Variants in PLD5 observed in about 807,000 individuals in gnomAD.
PLD5 encodes the protein inactive phospholipase D5.
PLD5 carries 36 observed loss-of-function variants against 61.1 expected under a neutral mutation model. The ratio of observed to expected loss-of-function variants is 0.59; its 90% CI spans 0.45 to 0.78. The LOEUF (loss-of-function observed/expected upper bound fraction) is 0.78. PLD5 is among the 30% of genes least tolerant of loss of function. The probability of loss-of-function intolerance (pLI) is 0.00; values close to 1 mark genes in which losing one functional copy is unlikely to be tolerated. For synonymous variants in PLD5, 243 were observed against 242.8 expected (o/e 1.00, Z -0.01); for missense variants, 515 against 644.4 (o/e 0.80, Z 2.17).
chr1:242,426,941 G>A (rs1049340405), intron 1 of PLD5, among the ~76,000 whole-genome samples: 2 of 152,066 alleles, frequency 1.3e-5, no homozygotes, highest in African/African-American at 2.4e-5. Context: ...AACCCACCAT[G>A]CTTTTTACCC....
intron 5 of PLD5, among the ~76,000 whole-genome samples, chr1:242,175,442 A>C (rs1295575451): frequency 6.6e-6 from 1 of 152,230 alleles, no homozygotes; most frequent in Non-Finnish European, 1.5e-5. Context: ...TATCAATAGA[A>C]TGTATCTCAA....
chr1:242,272,144 T>C (rs943183001), intron 3 of PLD5, among the ~76,000 whole-genome samples: 16 of 151,978 alleles, frequency 1.1e-4, no homozygotes, highest in African/African-American at 3.6e-4. Flanking sequence ...AAAATGGAGG[T>C]GAGCTTTAAG....
intron 4 of PLD5, among the ~76,000 whole-genome samples, chr1:242,240,999 A>T (rs2149060578): frequency 6.6e-6 from 1 of 152,328 alleles, no homozygotes; most frequent in Admixed American, 6.5e-5. Context: ...AATTTAGATA[A>T]ACATGATTGG....
intron 2 of PLD5, among the ~76,000 whole-genome samples, chr1:242,293,104 G>A (rs1193599066): frequency 1.3e-5 from 2 of 152,146 alleles, no homozygotes; most frequent in Non-Finnish European, 2.9e-5. Flanking sequence ...AGTGATTGAC[G>A]CTTTAGAAGT....
intron 1 of PLD5, among the ~76,000 whole-genome samples, chr1:242,437,986 T>C (rs1255820153): frequency 2.6e-5 from 4 of 152,230 alleles, no homozygotes; most frequent in East Asian, 3.8e-4. Flanking sequence ...TCCTTTCATT[T>C]TAAAAATTTG....
chr1:242,296,390 A>G (rs1675660527), intron 2 of PLD5, among the ~76,000 whole-genome samples: 1 of 152,148 alleles, frequency 6.6e-6, no homozygotes, highest in Non-Finnish European at 1.5e-5. Flanking sequence ...ATTAATTGCC[A>G]TTAGTCTATT....
chr1:242,439,865 A>G (rs1666191175), intron 1 of PLD5, among the ~76,000 whole-genome samples: 1 of 152,204 alleles, frequency 6.6e-6, no homozygotes, highest in South Asian at 2.1e-4. Context: ...CTCCTGATCC[A>G]CAAGTATTAA....
chr1:242,333,814 A>G (rs1192340685), intron 2 of PLD5, among the ~76,000 whole-genome samples: 1 of 152,148 alleles, frequency 6.6e-6, no homozygotes, highest in African/African-American at 2.4e-5. Flanking sequence ...TGTTGCAGGA[A>G]ATTACAGGAT....
intron 6 of PLD5, among the ~76,000 whole-genome samples, chr1:242,121,528 ATAAG>A (rs1302960759): frequency 1.3e-5 from 2 of 152,210 alleles, no homozygotes; most frequent in African/African-American, 4.8e-5. Context: ...GGAAGTTAAA[ATAAG>A]TAAATAAAAA....
At chr1:242,416,851 T>G (rs1046633446) in intron 1 of PLD5, among the ~76,000 whole-genome samples, 4 of 152,232 alleles carry the variant, frequency 2.6e-5, no homozygotes, top group African/African-American at 9.6e-5. Flanking sequence ...CATAAATATG[T>G]GCCAACTCTG....
At chr1:242,397,441 T>G (rs373141823) in intron 1 of PLD5, among the ~76,000 whole-genome samples, 1 of 152,052 alleles carries the variant, frequency 6.6e-6, no homozygotes, top group Non-Finnish European at 1.5e-5. Flanking sequence ...TCCACTGCTA[T>G]TAACTTAGTC....
At chr1:242,482,530 C>G (rs1375108390) in intron 1 of PLD5, among the ~76,000 whole-genome samples, 2 of 152,064 alleles carry the variant, frequency 1.3e-5, no homozygotes, top group Non-Finnish European at 2.9e-5. Context: ...AAGAAACAAA[C>G]AAAGCCTCCA....
chr1:242,140,822 G>A (rs1426356105), intron 5 of PLD5, among the ~76,000 whole-genome samples: 1 of 152,028 alleles, frequency 6.6e-6, no homozygotes, highest in Non-Finnish European at 1.5e-5. Flanking sequence ...AGGATGGGCT[G>A]CATAGACCTG....
chr1:242,327,978 G>A (rs1281750098), intron 2 of PLD5, among the ~76,000 whole-genome samples: 1 of 152,056 alleles, frequency 6.6e-6, no homozygotes, highest in Non-Finnish European at 1.5e-5. Context: ...CATTGGCTGA[G>A]GTGGGAAGAC....
intron 5 of PLD5, among the ~76,000 whole-genome samples, chr1:242,134,230 A>G (rs1394988711): frequency 6.6e-6 from 1 of 152,162 alleles, no homozygotes; most frequent in East Asian, 1.9e-4. Context: ...TTAGGAAGAG[A>G]TGAAATAATA....
intron 3 of PLD5, among the ~76,000 whole-genome samples, chr1:242,281,424 C>T (rs1406277639): frequency 1.3e-5 from 2 of 152,016 alleles, no homozygotes; most frequent in Non-Finnish European, 1.5e-5. Flanking sequence ...CAATATAGAA[C>T]AAAACGTCAA....
chr1:242,154,274 A>G (rs1351851404), intron 5 of PLD5, among the ~76,000 whole-genome samples: 2 of 152,190 alleles, frequency 1.3e-5, no homozygotes, highest in Admixed American at 6.5e-5. Context: ...CAAAGATACA[A>G]TCATGTCATC....
chr1:242,198,108 G>T (rs925240291), intron 5 of PLD5, among the ~76,000 whole-genome samples: 3 of 150,310 alleles, frequency 2.0e-5, no homozygotes, highest in African/African-American at 7.5e-5. Flanking sequence ...ATGAATAAAT[G>T]AACCAATGGA....
At chr1:242,120,959 T>C (rs963732583) in intron 6 of PLD5, among the ~76,000 whole-genome samples, 2 of 151,324 alleles carry the variant, frequency 1.3e-5, no homozygotes, top group South Asian at 4.1e-4. Context: ...TATCTAACTA[T>C]GCTAAGTTAT....
Sources: allele counts gnomAD v4.1 joint callset (sites outside exome capture counted in the v4.1 genomes callset), GRCh38; gene constraint gnomAD v4.1.1; transcripts MANE v1.5; gene names NCBI Gene and HGNC (gene_info 2026-07-23, HGNC 2026-07-21).